Variants in VWF observed in about 807,000 individuals in gnomAD.
The protein encoded by VWF is Factor VIII related antigen.
VWF carries 176 observed loss-of-function variants against 308.6 expected under a neutral mutation model. That is an observed-to-expected ratio of 0.57 (90% CI 0.50 to 0.65). The LOEUF (loss-of-function observed/expected upper bound fraction) is 0.65. Ranked by LOEUF, VWF falls within the 30% of genes least tolerant of loss-of-function variation. VWF has a pLI of 0.00. For synonymous variants in VWF, 1,385 were observed against 1,443.4 expected (o/e 0.96, Z 0.92); for missense variants, 3,146 against 3,648.2 (o/e 0.86, Z 3.55).
chr12:6,012,939 G>C (rs566296055), intron 32 of VWF, among the ~76,000 whole-genome samples: 2 of 152,178 alleles, frequency 1.3e-5, no homozygotes, highest in Admixed American at 6.5e-5. Context: ...CTGACCTCAT[G>C]ATCCGCCCGC....
chr12:6,071,420 T>C, intron 9 of VWF, 77 bp from the exon 10 acceptor site: 1 of 1,517,962 alleles, frequency 6.6e-7, no homozygotes, highest in South Asian at 1.1e-5. Context: ...GAGCTCATGG[T>C]AGTTATCACA....
At chr12:6,103,419 TGTGTATA>T (rs1945197871) in intron 5 of VWF, among the ~76,000 whole-genome samples, 2 of 117,368 alleles carry the variant, frequency 1.7e-5, no homozygotes, top group African/African-American at 1.2e-4. Context: ...TACACACGTG[TGTGTATA>T]CACACGTGTG....
At chr12:5,976,450 C>T (rs1348192186) in intron 42 of VWF, among the ~76,000 whole-genome samples, 190 bp from the exon 43 acceptor site, 11 of 152,186 alleles carry the variant, frequency 7.2e-5, no homozygotes, top group African/African-American at 2.7e-4. Flanking sequence ...TGCCCACCAG[C>T]CTTAGAAAAG....
At position 6,019,978 on chromosome 12, in the gene VWF, A is replaced by C. The variant is rs994110968; in HGVS notation, c.3675-235T>G. ...CATAGCCGACTTCCTTTGATTCTAGAAACCAAAGCTTTAGCCCATCCTAGG... is the reference window on the plus strand; with the variant it reads ...CATAGCCGACTTCCTTTGATTCTAGCAACCAAAGCTTTAGCCCATCCTAGG... On this transcript the variant is annotated intron_variant, in intron 27 of 51. Transcript: ENST00000261405. The surrounding 1 kb of genome is among the most constrained non-coding windows in gnomAD (Gnocchi z 5.8). Among the ~76,000 whole-genome samples, 15 of 152,190 alleles carry C rather than the reference A, an allele frequency of 9.9e-5. No homozygotes were observed. The highest frequency in any genetic ancestry group is 2.9e-4 in the African/African-American group (12 of 41,452).
At chr12:6,023,892 G>A (rs1944162067) in intron 24 of VWF, 105 bp from the exon 25 acceptor site, 23 of 1,329,078 alleles carry the variant, frequency 1.7e-5, no homozygotes, top group Non-Finnish European at 2.2e-5. Context: ...GGATAAGGGG[G>A]TCCAGGTAGA....
intron 2 of VWF, 190 bp downstream of exon 2, chr12:6,122,952 G>A: frequency 1.3e-6 from 1 of 771,998 alleles, no homozygotes; most frequent in South Asian, 1.4e-5. Flanking sequence ...GATGGCATTT[G>A]CAGGCACCTG....
intron 43 of VWF, 21 bp from the exon 44 acceptor site, chr12:5,971,730 G>C (rs1329720229): frequency 1.9e-6 from 3 of 1,607,266 alleles, no homozygotes; most frequent in Non-Finnish European, 2.6e-6. Context: ...AGAAAAAACA[G>C]AGTAAGGACA....
chr12:6,038,159 T>C (rs1344289054), intron 18 of VWF, among the ~76,000 whole-genome samples: 2 of 152,102 alleles, frequency 1.3e-5, no homozygotes, highest in African/African-American at 4.8e-5. Flanking sequence ...CTGAAAAACC[T>C]CTCTCTAGCA....
chr12:6,104,696 CG>C (rs1040473801), intron 5 of VWF, among the ~76,000 whole-genome samples: 1 of 149,170 alleles, frequency 6.7e-6, no homozygotes, highest in African/African-American at 2.5e-5. Flanking sequence ...GACTCTGTCT[CG>C]GAAAAAAAAA....
intron 6 of VWF, among the ~76,000 whole-genome samples, chr12:6,088,250 G>A (rs905097214): frequency 3.3e-5 from 5 of 151,886 alleles, no homozygotes; most frequent in East Asian, 2.0e-4. Flanking sequence ...AGGCCGAGGC[G>A]GGCAGATCAT....
chr12:6,080,122 G>A (rs1944893181), intron 6 of VWF, among the ~76,000 whole-genome samples: 1 of 152,124 alleles, frequency 6.6e-6, no homozygotes, highest in East Asian at 1.9e-4. Context: ...ACTCTGCCGA[G>A]TTAGGTGTTC....
intron 6 of VWF, among the ~76,000 whole-genome samples, chr12:6,086,807 A>G (rs980327105): frequency 6.6e-6 from 1 of 152,218 alleles, no homozygotes; most frequent in East Asian, 1.9e-4. Context: ...GAGAACATGA[A>G]GAGTGAACTG....
At chr12:6,033,363 G>A (rs950134349) in intron 20 of VWF, among the ~76,000 whole-genome samples, 6 of 152,256 alleles carry the variant, frequency 3.9e-5, no homozygotes, top group East Asian at 1.9e-4. Context: ...AAGGGGCACC[G>A]TTTGGAGGGG....
At chr12:6,078,833 T>G (rs558043341) in intron 6 of VWF, among the ~76,000 whole-genome samples, 83 of 152,236 alleles carry the variant, frequency 5.5e-4, no homozygotes, top group African/African-American at 1.9e-3. Flanking sequence ...CATTTCCAAA[T>G]CACTCTTTTC....
In VWF at chr12:5,981,813, A is replaced by G; in HGVS notation, c.7260T>C (p.Cys2420=). 1 of 1,614,204 alleles carries G rather than the reference A, an allele frequency of 6.2e-7. No homozygotes were observed. ...LASTATNDCG[C]TTTTCLPDKV... Reference sequence around the variant, plus strand: ...TGTCGGGAAGGCAGGTGGTTGTGGTACAGCCACAGTCATTGGTGGCAGTTG... The same window carrying G: ...TGTCGGGAAGGCAGGTGGTTGTGGTGCAGCCACAGTCATTGGTGGCAGTTG... Residue 2420 remains cysteine, a synonymous_variant, in exon 42 of 52, where the codon TGT becomes TGC. Coordinates refer to ENST00000261405, the MANE Select transcript of VWF (RefSeq NM_000552.5).
At chr12:6,074,451 C>T (rs147449291) in intron 7 of VWF, among the ~76,000 whole-genome samples, 85 of 135,306 alleles carry the variant, frequency 6.3e-4, no homozygotes, top group Non-Finnish European at 1.0e-3. Flanking sequence ...CTCCAAGATA[C>T]ATCAGGTTAT....
chr12:5,994,016 A>C lies in VWF; in HGVS notation c.6444T>G (p.Ala2148=). 6.2e-7 allele frequency: 1 copy of C among 1,614,224 alleles called. No individual in the cohort carries two copies. The highest frequency in any genetic ancestry group is 8.5e-7 in the Non-Finnish European group (1 of 1,180,052). The part of the protein sequence containing the change: ...HCQVLLLPLF[A]ECHKVLAPAT... ...CTGGAGCCAGGACCTTGTGGCATTC[A>C]GCAAACAGTGGTAAGAGGAGGACCT... is the stretch of plus-strand genomic sequence containing the variant. The change falls in exon 37 of 52, where the codon GCT becomes GCG. Residue 2148 remains alanine (A), a synonymous_variant. Coordinates refer to ENST00000261405, the MANE Select transcript of VWF (RefSeq NM_000552.5).
At chr12:6,067,093 G>A (rs1026929511) in intron 10 of VWF, among the ~76,000 whole-genome samples, 18 of 152,210 alleles carry the variant, frequency 1.2e-4, no homozygotes, top group African/African-American at 4.1e-4. Flanking sequence ...CTAGAAGAGC[G>A]GGAGTGAGGA....
rs1172518956 is a variant in VWF at position 6,075,424 on chromosome 12, T to C, written c.785A>G (p.Glu262Gly). 6.2e-7 allele frequency: 1 copy of C among 1,614,042 alleles called. No homozygotes were observed. Among genetic ancestry groups the C allele is most frequent in the South Asian group, 1.1e-5 (1 of 91,076 alleles). ...KTLCECAGGLECACPALLEYA... is the reference protein window; with the variant it reads ...KTLCECAGGLGCACPALLEYA... The stretch of plus-strand genomic sequence containing the variant: ...CTCCAGGAGGGCAGGGCAGGCGCAC[T>C]CCAGCCCCCCAGCACACTCACACAA... Residue 262 changes from glutamate to glycine, a missense_variant, in exon 7 of 52, where the codon GAG becomes GGG. This residue lies in a region of VWF where 1,304 missense variants were observed against 1,353.0 expected (regional missense o/e 0.96). Coordinates refer to ENST00000261405, the MANE Select transcript of VWF (RefSeq NM_000552.5). This position sits in a 1 kb window ranked among gnomAD's most constrained non-coding sequence, Gnocchi z 4.7.
Sources: gnomAD v4.1 joint callset for allele counts (sites outside exome capture counted in the v4.1 genomes callset) on GRCh38, gnomAD v4.1.1 for gene constraint, gnomAD v4.1.1 regional missense constraint, Gnocchi (gnomAD v3.1) non-coding constraint, MANE v1.5 for transcripts, NCBI Gene and HGNC (gene_info 2026-07-23, HGNC 2026-07-21) for gene names.